LPP: variants seen among roughly 807,000 people sequenced by gnomAD.
LPP encodes the protein LIM domain containing preferred translocation partner in lipoma, also known as lipoma-preferred partner.
LPP carries 38 observed loss-of-function variants against 60.4 expected under a neutral mutation model. That is an observed-to-expected ratio of 0.63 (90% CI 0.49 to 0.83). The LOEUF is 0.83. Ranked by LOEUF, LPP falls within the 40% of genes least tolerant of loss-of-function variation. LPP has a pLI of 0.00. For missense variants in LPP, 902 were observed against 783.6 expected, an observed-to-expected ratio of 1.15 and a Z score of -1.80; for synonymous variants, 328 against 290.8, an observed-to-expected ratio of 1.13 and a Z score of -1.30.
chr3:188,163,589 G>C (rs1010896361), intron 1 of LPP, among the ~76,000 whole-genome samples: 9 of 152,062 alleles, frequency 5.9e-5, no homozygotes, highest in African/African-American at 2.2e-4. Flanking sequence ...CAGGCATAAG[G>C]CAAGGACTCA....
chr3:188,464,109 G>C (rs548508614), intron 4 of LPP, among the ~76,000 whole-genome samples: 1 of 152,152 alleles, frequency 6.6e-6, no homozygotes, highest in Non-Finnish European at 1.5e-5. Context: ...GCAGGTATGT[G>C]TTGAGGTTTC....
intron 9 of LPP, among the ~76,000 whole-genome samples, chr3:188,781,728 A>AG (rs1739759997): frequency 6.6e-6 from 1 of 151,636 alleles, no homozygotes; most frequent in Non-Finnish European, 1.5e-5. Context: ...CTAAAAAAAA[A>AG]AAAATACAAA....
At chr3:188,273,945 G>A (rs866129924) in intron 2 of LPP, among the ~76,000 whole-genome samples, 2 of 152,036 alleles carry the variant, frequency 1.3e-5, no homozygotes, top group African/African-American at 2.4e-5. Flanking sequence ...GGCTGTAAAC[G>A]TCAATGTTTA....
intron 6 of LPP, among the ~76,000 whole-genome samples, chr3:188,591,005 G>A (rs1047140749): frequency 6.6e-6 from 1 of 152,146 alleles, no homozygotes; most frequent in African/African-American, 2.4e-5. Context: ...GAGGATTTTT[G>A]TTGTTGATTT....
At chr3:188,798,740 G>T (rs1241694149) in intron 9 of LPP, among the ~76,000 whole-genome samples, 1 of 151,816 alleles carries the variant, frequency 6.6e-6, no homozygotes, top group African/African-American at 2.4e-5. Context: ...TGACTTCCTG[G>T]AGCACTCATA....
chr3:188,714,977 A>G (rs1324258426), intron 8 of LPP, among the ~76,000 whole-genome samples: 1 of 152,214 alleles, frequency 6.6e-6, no homozygotes, highest in African/African-American at 2.4e-5. Context: ...TGTTTAGCCC[A>G]GCTCATCTAC....
intron 2 of LPP, among the ~76,000 whole-genome samples, chr3:188,271,321 T>G (rs1737652063): frequency 6.6e-6 from 1 of 152,250 alleles, no homozygotes; most frequent in Admixed American, 6.5e-5. Flanking sequence ...CAGGGACAGC[T>G]GTGCACTAAG....
At position 188,581,960 on chromosome 3, in the gene LPP, T is replaced by A. The variant is rs115577840; in HGVS notation, c.430-27201T>A. Among the ~76,000 whole-genome samples, 291 of 74,454 alleles carry A rather than the reference T, an allele frequency of 3.9e-3. 1 individual carries two copies. Among genetic ancestry groups the A allele is most frequent in the African/African-American group, 0.011 (284 of 25,254 alleles). The allele number at this position is 74,454 out of a possible 152,430, so 48.8% of individuals were successfully genotyped here. On this transcript the variant is annotated intron_variant, in intron 6 of 11. Coordinates refer to ENST00000617246, the MANE Select transcript of LPP (RefSeq NM_001375462.1). ...ATGACCTTCTTTCGGTAGGCTTTTTTCAGAGTTTCCCTTTTGTACTTGCCC... is the reference window on the plus strand; with the variant it reads ...ATGACCTTCTTTCGGTAGGCTTTTTACAGAGTTTCCCTTTTGTACTTGCCC...
intron 6 of LPP, among the ~76,000 whole-genome samples, chr3:188,563,565 ATTCTGTATAGTGCTCC>A (rs1831311749): frequency 2.7e-5 from 4 of 148,870 alleles, no homozygotes; most frequent in South Asian, 2.1e-4. Flanking sequence ...ACTATTTTTA[ATTCTGTATAGTGCTCC>A]ATAGTGTAAG....
chr3:188,841,403 T>A (rs1332481355), intron 9 of LPP, among the ~76,000 whole-genome samples: 1 of 148,360 alleles, frequency 6.7e-6, no homozygotes. Context: ...GTTTTTTTTT[T>A]TTTTTTTGAG....
chr3:188,714,159 C>T (rs1712817838), intron 8 of LPP, among the ~76,000 whole-genome samples: 1 of 152,152 alleles, frequency 6.6e-6, no homozygotes, highest in Non-Finnish European at 1.5e-5. Context: ...TGGCCTCACT[C>T]TTCTGATCTC....
chr3:188,683,365 A>G (rs1239962727), intron 7 of LPP, among the ~76,000 whole-genome samples: 1 of 152,012 alleles, frequency 6.6e-6, no homozygotes, highest in African/African-American at 2.4e-5. Flanking sequence ...GGAGAACCCT[A>G]TGTGCTCCTT....
At chr3:188,773,156 A>T (rs1736634308) in intron 9 of LPP, among the ~76,000 whole-genome samples, 1 of 152,144 alleles carries the variant, frequency 6.6e-6, no homozygotes, top group African/African-American at 2.4e-5. Context: ...TTTGAATGGG[A>T]CACGGTAATT....
intron 8 of LPP, among the ~76,000 whole-genome samples, chr3:188,736,851 T>A (rs1722707717): frequency 6.6e-6 from 1 of 151,998 alleles, no homozygotes; most frequent in Non-Finnish European, 1.5e-5. Flanking sequence ...ATGCAAAACT[T>A]ATAATGGCAA....
At chr3:188,742,228 A>AGTTTG (rs1724698725) in intron 8 of LPP, among the ~76,000 whole-genome samples, 2 of 152,140 alleles carry the variant, frequency 1.3e-5, no homozygotes, top group Admixed American at 1.3e-4. Flanking sequence ...TTTGGAAAAC[A>AGTTTG]GTTTGGTAGT....
intron 7 of LPP, among the ~76,000 whole-genome samples, chr3:188,653,972 T>A (rs1852610944): frequency 6.6e-6 from 1 of 152,204 alleles, no homozygotes; most frequent in Non-Finnish European, 1.5e-5. Flanking sequence ...GGGTAAAGGA[T>A]TATCATGCCA....
intron 6 of LPP, among the ~76,000 whole-genome samples, chr3:188,608,554 A>G (rs1048107735): frequency 8.5e-5 from 13 of 152,116 alleles, no homozygotes; most frequent in Non-Finnish European, 2.9e-5. Flanking sequence ...CCAGTACCAT[A>G]CTGTTTTGAT....
chr3:188,800,646 A>C (rs12487595), intron 9 of LPP, among the ~76,000 whole-genome samples: 108,084 of 152,016 alleles, frequency 0.71, 38,921 homozygotes, highest in East Asian at 0.92. Flanking sequence ...CAAAAGTGAA[A>C]CCAAATTTAT....
chr3:188,523,669 A>G (rs932947928), intron 5 of LPP, among the ~76,000 whole-genome samples: 1 of 152,158 alleles, frequency 6.6e-6, no homozygotes, highest in Non-Finnish European at 1.5e-5. Context: ...CAGACACTAG[A>G]TACTCTCTTG....
Sources: allele counts gnomAD v4.1 joint callset (sites outside exome capture counted in the v4.1 genomes callset), GRCh38; gene constraint gnomAD v4.1.1; transcripts MANE v1.5; gene names NCBI Gene and HGNC (gene_info 2026-07-23, HGNC 2026-07-21).